The following CNTLN variants were observed in gnomAD, a reference collection of about 807,000 sequenced individuals.
CNTLN encodes centlein, centrosomal protein.
In CNTLN, 212 loss-of-function variants were observed where a neutral mutation model predicts 180.0. The ratio of observed to expected loss-of-function variants is 1.18; its 90% CI spans 1.05 to 1.32. The LOEUF (loss-of-function observed/expected upper bound fraction) is 1.32, where lower values mean the gene tolerates loss of function less well. Ranked by LOEUF, CNTLN falls within the 40% of genes most tolerant of loss-of-function variation. The probability of loss-of-function intolerance (pLI) is 0.00; values close to 1 mark genes in which losing one functional copy is unlikely to be tolerated. For missense variants in CNTLN, 2,095 were observed against 1,610.9 expected (o/e 1.30, Z -5.14); for synonymous variants, 722 against 563.1 (o/e 1.28, Z -3.99).
chr9:17,215,382 C>G (rs1823666640), intron 2 of CNTLN, among the ~76,000 whole-genome samples: 1 of 152,204 alleles, frequency 6.6e-6, no homozygotes, highest in Admixed American at 6.5e-5. Flanking sequence ...TGCTGAACAG[C>G]AAATGTTGCT....
At chr9:17,250,998 AG>A (rs749779863) in intron 5 of CNTLN, among the ~76,000 whole-genome samples, 9 of 152,076 alleles carry the variant, frequency 5.9e-5, no homozygotes, top group Admixed American at 2.6e-4. Context: ...TCCCTTTTTA[AG>A]GACAGTTTTT....
chr9:17,511,942 T>C, the CNTLN span, among the ~76,000 whole-genome samples: 3 of 152,092 alleles, frequency 2.0e-5, no homozygotes, highest in Non-Finnish European at 4.4e-5. Flanking sequence ...TTACAACTAC[T>C]TCTTGGTACC....
At chr9:17,464,297 C>T (rs1831617314) in intron 20 of CNTLN, among the ~76,000 whole-genome samples, 200 bp from the exon 21 acceptor site, 3 of 151,062 alleles carry the variant, frequency 2.0e-5, no homozygotes, top group African/African-American at 7.3e-5. Context: ...ATTACCAAGT[C>T]ACAACTATAG....
At position 17,368,354 on chromosome 9, in the gene CNTLN, A is replaced by G. The variant is rs192680194; in HGVS notation, c.1987+1637A>G. Among the ~76,000 whole-genome samples, 316 of 152,198 alleles carry G rather than the reference A, an allele frequency of 2.1e-3. 1 individual carries two copies. The highest frequency in any genetic ancestry group is 7.3e-3 in the African/African-American group (302 of 41,534). On this transcript the variant is annotated intron_variant, in intron 13 of 25. Transcript: ENST00000380647. Reference sequence around the variant, plus strand: ...GGACTAGAACACCAGGTGGATTTCTAAGGTTTTTTACTCTACTCCCTGGCT... The same window carrying G: ...GGACTAGAACACCAGGTGGATTTCTGAGGTTTTTTACTCTACTCCCTGGCT...
At chr9:17,260,915 A>C (rs1377471872) in intron 5 of CNTLN, among the ~76,000 whole-genome samples, 3 of 151,414 alleles carry the variant, frequency 2.0e-5, no homozygotes, top group Non-Finnish European at 4.4e-5. Context: ...TCTCAGCACC[A>C]TTTATTGAAT....
intron 7 of CNTLN, chr9:17,300,027 C>T (rs1312880505): frequency 1.3e-5 from 2 of 153,634 alleles, no homozygotes; most frequent in Admixed American, 6.6e-5. Flanking sequence ...TCCTCACACC[C>T]TAGGTGATTT....
chr9:17,456,997 G>A (rs986056730), intron 18 of CNTLN, among the ~76,000 whole-genome samples: 3 of 152,144 alleles, frequency 2.0e-5, no homozygotes, highest in African/African-American at 2.4e-5. Context: ...AAAACTGAGC[G>A]AGTTTGTTTG....
rs1052648746 is a variant in CNTLN, at chr9:17,407,082, A to T, written c.2616-2211A>T. On this transcript the variant is annotated intron_variant, in intron 15 of 25. Coordinates refer to ENST00000380647, the MANE Select transcript of CNTLN (RefSeq NM_017738.4). ...TAAGCAAATAGATTATAGTATTCTG[A>T]TTCAGAAATAATGAATTCTGGGATA... 3.3e-5 allele frequency among the ~76,000 whole-genome samples: 5 copies of T among 152,254 alleles called. No homozygotes were observed. In the East Asian group the frequency reaches 9.6e-4, roughly 29 times the overall value.
intron 23 of CNTLN, among the ~76,000 whole-genome samples, chr9:17,471,707 G>A (rs1832049693): frequency 6.6e-6 from 1 of 152,040 alleles, no homozygotes; most frequent in Non-Finnish European, 1.5e-5. Context: ...TAATTTACAG[G>A]GTTTTTCAAA....
intron 25 of CNTLN, chr9:17,494,876 C>CTTTT (rs35224903): frequency 3.9e-4 from 106 of 272,966 alleles, no homozygotes; most frequent in South Asian, 7.3e-4. Context: ...CTATACCATA[C>CTTTT]TTTTTTTTTT....
At chr9:17,332,564 T>G (rs765369745) in intron 9 of CNTLN, 41 bp from the exon 10 acceptor site, 31 of 1,551,344 alleles carry the variant, frequency 2.0e-5, no homozygotes, top group Non-Finnish European at 2.6e-5. Context: ...CATAATCCAG[T>G]GTTCCAACTA....
rs755970051 is a variant in CNTLN at position 17,466,012 on chromosome 9, A to G, written c.3563A>G (p.Lys1188Arg). 1.2e-6 allele frequency: 2 copies of G among 1,605,592 alleles called. No homozygotes were observed. The highest frequency in any genetic ancestry group is 2.2e-5 in the South Asian group (2 of 90,488). ...VKTLTEECSN[K>R]KVSIDSLKQR... ...ACATTAACTGAAGAATGTTCCAACA[A>G]GAAGGTATCAATTGATTCACTAAAG... The change falls in exon 22 of 26, where the codon AAG becomes AGG. Residue 1188 changes from lysine (K) to arginine (R), a missense_variant. Physicochemically the swap from Lys to Arg is conservative, Grantham distance 26. Coordinates refer to ENST00000380647, the MANE Select transcript of CNTLN (RefSeq NM_017738.4).
chr9:17,278,032 C>T (rs1828423386), intron 6 of CNTLN, among the ~76,000 whole-genome samples: 1 of 152,148 alleles, frequency 6.6e-6, no homozygotes. Flanking sequence ...CGGAAGCTGC[C>T]CAATAAGACC....
intron 6 of CNTLN, among the ~76,000 whole-genome samples, chr9:17,282,139 T>G (rs1405032602): frequency 6.6e-6 from 1 of 152,094 alleles, no homozygotes; most frequent in Non-Finnish European, 1.5e-5. Context: ...GTTTTTGTAT[T>G]TTTAGTAGAG....
At chr9:17,221,597 A>G (rs968524126) in intron 2 of CNTLN, among the ~76,000 whole-genome samples, 2 of 152,052 alleles carry the variant, frequency 1.3e-5, no homozygotes, top group African/African-American at 2.4e-5. Flanking sequence ...TTGTGTGCCT[A>G]CATCCAAAGG....
chr9:17,404,694 T>G (rs1451199346), intron 15 of CNTLN, among the ~76,000 whole-genome samples: 1 of 151,624 alleles, frequency 6.6e-6, no homozygotes, highest in Non-Finnish European at 1.5e-5. Flanking sequence ...TGTACAATCC[T>G]TGTTTCAAAT....
chr9:17,291,450 G>T (rs913465756), intron 6 of CNTLN, among the ~76,000 whole-genome samples: 1 of 152,162 alleles, frequency 6.6e-6, no homozygotes, highest in African/African-American at 2.4e-5. Context: ...AAGTGTCTTT[G>T]TAGGTCTCTA....
intron 13 of CNTLN, among the ~76,000 whole-genome samples, chr9:17,379,726 T>C (rs1451621799): frequency 6.6e-6 from 1 of 152,188 alleles, no homozygotes; most frequent in Non-Finnish European, 1.5e-5. Flanking sequence ...ATCCCAAAAC[T>C]TTTTCCATGT....
chr9:17,266,148 T>TG (rs1827421066), intron 5 of CNTLN, among the ~76,000 whole-genome samples: 2 of 104,438 alleles, frequency 1.9e-5, no homozygotes, highest in Non-Finnish European at 3.7e-5. Context: ...CAGTTTTGGA[T>TG]CTTCCTGCTT....
Sources: allele counts gnomAD v4.1 joint callset (sites outside exome capture counted in the v4.1 genomes callset), GRCh38; gene constraint gnomAD v4.1.1; transcripts MANE v1.5; gene names NCBI Gene and HGNC (gene_info 2026-07-23, HGNC 2026-07-21).